Variants in ACER3 observed in about 807,000 individuals in gnomAD.
ACER3 encodes the protein alkaline ceramidase 3.
In ACER3, 16 loss-of-function variants were observed where a neutral mutation model predicts 48.9. That is an observed-to-expected ratio of 0.33 (90% CI 0.22 to 0.50). The LOEUF is 0.50. Among genes scored for constraint, ACER3 ranks in the 20% least tolerant of loss-of-function variants. The pLI is 0.98. For synonymous variants in ACER3, 109 were observed against 107.8 expected, an observed-to-expected ratio of 1.01 and a Z score of -0.07; for missense variants, 227 against 326.0, an observed-to-expected ratio of 0.70 and a Z score of 2.34.
chr11:76,956,503 C>A (rs1032629751), intron 2 of ACER3, among the ~76,000 whole-genome samples: 7 of 152,018 alleles, frequency 4.6e-5, no homozygotes, highest in African/African-American at 1.7e-4. Context: ...CTGTAGAGAT[C>A]TCTAAAAAGT....
At chr11:76,960,313 A>T (rs1947954494) in intron 3 of ACER3, among the ~76,000 whole-genome samples, 1 of 151,872 alleles carries the variant, frequency 6.6e-6, no homozygotes, top group South Asian at 2.1e-4. Context: ...GGAAGCTGAG[A>T]CAGGAGAATC....
chr11:76,964,901 G>C (rs192812017), intron 3 of ACER3, among the ~76,000 whole-genome samples: 1 of 151,246 alleles, frequency 6.6e-6, no homozygotes, highest in Non-Finnish European at 1.5e-5. Context: ...AAATCAGAGC[G>C]CCTGTCCTCC....
At chr11:76,983,680 A>ATTT (rs1948632632) in intron 4 of ACER3, among the ~76,000 whole-genome samples, 1 of 152,054 alleles carries the variant, frequency 6.6e-6, no homozygotes, top group Non-Finnish European at 1.5e-5. Flanking sequence ...AATATAAGTG[A>ATTT]TTTTTGTATA....
intron 2 of ACER3, among the ~76,000 whole-genome samples, chr11:76,936,441 AG>A (rs562832420): frequency 7.1e-4 from 108 of 152,320 alleles, no homozygotes; most frequent in African/African-American, 2.3e-3. Context: ...TCCAACTACT[AG>A]GAGAAAACGT....
chr11:76,870,074 C>T (rs1945203208), intron 1 of ACER3, among the ~76,000 whole-genome samples: 1 of 151,756 alleles, frequency 6.6e-6, no homozygotes, highest in Admixed American at 6.6e-5. Context: ...GTTGCCCAGG[C>T]TGGTCTCAAC....
At chr11:76,907,353 AT>A (rs200997464) in intron 1 of ACER3, among the ~76,000 whole-genome samples, 3 of 121,258 alleles carry the variant, frequency 2.5e-5, no homozygotes, top group Admixed American at 2.3e-4. Flanking sequence ...AAGCAAATTT[AT>A]TGTGAAACTA....
intron 1 of ACER3, among the ~76,000 whole-genome samples, chr11:76,886,986 C>A (rs1234488318): frequency 1.3e-5 from 2 of 152,056 alleles, no homozygotes; most frequent in Non-Finnish European, 2.9e-5. Flanking sequence ...GGTTTAAGAA[C>A]TTACTGTCGA....
chr11:76,969,954 A>C (rs1948250504), intron 3 of ACER3, among the ~76,000 whole-genome samples: 1 of 92,986 alleles, frequency 1.1e-5, no homozygotes, highest in South Asian at 3.6e-4. Flanking sequence ...ATAATAATAA[A>C]ATTAAAAAAA....
chr11:77,005,022 TACTTAA>T (rs1164549545), intron 7 of ACER3, among the ~76,000 whole-genome samples: 2 of 148,588 alleles, frequency 1.3e-5, no homozygotes, highest in African/African-American at 2.5e-5. Context: ...GCCTGTGAGT[TACTTAA>T]ACTTTTTCTT....
intron 1 of ACER3, among the ~76,000 whole-genome samples, chr11:76,905,621 A>C (rs1946209388): frequency 6.6e-6 from 1 of 152,246 alleles, no homozygotes; most frequent in Admixed American, 6.5e-5. Context: ...AAGGAAGTAT[A>C]AACAAGGTTG....
chr11:76,997,918 T>C (rs918220467), intron 6 of ACER3, among the ~76,000 whole-genome samples: 5 of 152,218 alleles, frequency 3.3e-5, no homozygotes, highest in African/African-American at 1.2e-4. Context: ...TACTTAGGAA[T>C]GCATTTGTAG....
At chr11:76,959,258 C>T (rs567579035) in intron 3 of ACER3, 81 of 1,361,506 alleles carry the variant, frequency 5.9e-5, no homozygotes, top group African/African-American at 2.6e-4. Context: ...CATCTCTGTG[C>T]GGGCATATAA....
At chr11:76,981,559 C>A (rs1013208750) in intron 4 of ACER3, among the ~76,000 whole-genome samples, 1 of 152,224 alleles carries the variant, frequency 6.6e-6, no homozygotes, top group Non-Finnish European at 1.5e-5. Flanking sequence ...CTACCCTGGC[C>A]TCCAGGCCAC....
intron 2 of ACER3, among the ~76,000 whole-genome samples, chr11:76,953,597 C>CA (rs1406313765): frequency 1.3e-5 from 2 of 151,804 alleles, no homozygotes; most frequent in South Asian, 2.1e-4. Context: ...GACTCTGTCT[C>CA]AAAAAACAAA....
chr11:76,957,723 G>T (rs1947879801), intron 2 of ACER3: 1 of 173,880 alleles, frequency 5.8e-6, no homozygotes, highest in South Asian at 1.1e-4. Context: ...GATTACAGGT[G>T]TGAGCCACCG....
At chr11:76,877,416 A>G (rs1359747172) in intron 1 of ACER3, among the ~76,000 whole-genome samples, 2 of 152,198 alleles carry the variant, frequency 1.3e-5, no homozygotes, top group Admixed American at 6.5e-5. Flanking sequence ...TTATTCATTT[A>G]TACAAAATGA....
At chr11:76,885,670 A>T (rs1590880877) in intron 1 of ACER3, among the ~76,000 whole-genome samples, 1 of 152,092 alleles carries the variant, frequency 6.6e-6, no homozygotes, top group Non-Finnish European at 1.5e-5. Context: ...GCTGGGATGT[A>T]GGGGCTGCCA....
intron 3 of ACER3, among the ~76,000 whole-genome samples, chr11:76,963,209 G>A (rs1948045561): frequency 6.6e-6 from 1 of 151,302 alleles, no homozygotes; most frequent in East Asian, 1.9e-4. Flanking sequence ...ACTTGCAGAG[G>A]GAGGAGGGGG....
intron 1 of ACER3, among the ~76,000 whole-genome samples, chr11:76,891,419 C>T (rs1396428467): frequency 3.3e-5 from 5 of 152,146 alleles, no homozygotes; most frequent in African/African-American, 1.2e-4. Flanking sequence ...TTTCACCTGA[C>T]CAAGGCAGGA....
Sources: allele counts gnomAD v4.1 joint callset (sites outside exome capture counted in the v4.1 genomes callset), GRCh38; gene constraint gnomAD v4.1.1; transcripts MANE v1.5; gene names NCBI Gene and HGNC (gene_info 2026-07-23, HGNC 2026-07-21).